OAS2: variants seen among roughly 807,000 people sequenced by gnomAD.
OAS2 encodes 2'-5'-oligoadenylate synthetase 2, also known as 2'-5'-oligoadenylate synthase 2.
OAS2 carries 67 observed loss-of-function variants against 71.3 expected under a neutral mutation model. The observed-to-expected ratio is 0.94, with a 90% CI of 0.77 to 1.15. The LOEUF (loss-of-function observed/expected upper bound fraction) is 1.15, where lower values mean the gene tolerates loss of function less well. OAS2 is among the 50% of genes most tolerant of loss of function. OAS2 has a pLI of 0.00. For synonymous variants in OAS2, 327 were observed against 321.8 expected (o/e 1.02, Z -0.17); for missense variants, 789 against 822.5 (o/e 0.96, Z 0.50).
chr12:112,990,954 G>A (rs186915073), intron 2 of OAS2, among the ~76,000 whole-genome samples: 7 of 152,234 alleles, frequency 4.6e-5, no homozygotes, highest in Non-Finnish European at 7.4e-5. Context: ...TCAGTAGGTT[G>A]GGAAGGCTTA....
intron 6 of OAS2, among the ~76,000 whole-genome samples, chr12:113,003,743 T>C (rs2044308624): frequency 6.6e-6 from 1 of 152,202 alleles, no homozygotes; most frequent in African/African-American, 2.4e-5. Flanking sequence ...TGTTTACTGG[T>C]CACACGACCA....
At chr12:112,996,967 C>T (rs1173911834) in intron 3 of OAS2, among the ~76,000 whole-genome samples, 2 of 152,116 alleles carry the variant, frequency 1.3e-5, no homozygotes, top group African/African-American at 4.8e-5. Context: ...CCTCAGTTTC[C>T]CCTCATCTGA....
chr12:112,981,640 G>A (rs1026029845), intron 1 of OAS2, among the ~76,000 whole-genome samples: 5 of 152,084 alleles, frequency 3.3e-5, no homozygotes, highest in East Asian at 1.9e-4. Flanking sequence ...TTGAAGTCAC[G>A]TAGCATGATG....
At chr12:112,984,879 A>G (rs2158391) in intron 1 of OAS2, among the ~76,000 whole-genome samples, 37,496 of 151,896 alleles carry the variant, frequency 0.25, 4,973 homozygotes, top group Admixed American at 0.32. Flanking sequence ...TTGTCTGGGA[A>G]AGACTTTGTT....
At chr12:113,003,376 C>T (rs1307183632) in intron 6 of OAS2, among the ~76,000 whole-genome samples, 2 of 152,138 alleles carry the variant, frequency 1.3e-5, no homozygotes, top group Non-Finnish European at 2.9e-5. Flanking sequence ...ACATCACTCC[C>T]GTCTCTGCCT....
intron 1 of OAS2, among the ~76,000 whole-genome samples, chr12:112,979,634 G>T (rs1374097663): frequency 6.6e-6 from 1 of 151,952 alleles, no homozygotes. Context: ...TTTCCTCATG[G>T]AAGTAAAACA....
Position 112,995,448 on chromosome 12 carries a change from C to T in OAS2, c.601C>T (p.Leu201Phe). 1 of 1,613,952 alleles carries T rather than the reference C, an allele frequency of 6.2e-7. No individual in the cohort carries two copies. The highest frequency in any genetic ancestry group is 8.5e-7 in the Non-Finnish European group (1 of 1,179,940). ...TCCTGGAAAACTAAAGGATTTGATC[C>T]TCTTGATAAAGCACTGGCATCAACA... ...NRPGKLKDLI[L>F]LIKHWHQQCQ... The change falls in exon 3 of 10, where the codon CTC becomes TTC. Residue 201 changes from leucine to phenylalanine, a missense_variant. Physicochemically the swap from Leu to Phe is conservative, Grantham distance 22 (BLOSUM62 0). Coordinates refer to ENST00000392583, the MANE Select transcript of OAS2 (RefSeq NM_002535.3).
rs776678170 is a variant in OAS2, at chr12:112,987,068, A to C, written c.208A>C (p.Arg70=). Residue 70 remains arginine (R), a synonymous_variant, in exon 2 of 10, where the codon AGA becomes CGA. Transcript: ENST00000392583. Reference sequence around the variant, plus strand: ...CTCCTATGGACGGAAAACAGTCTTAAGAGGCAACTCCGATGGTACCCTTGT... The same window carrying C: ...CTCCTATGGACGGAAAACAGTCTTACGAGGCAACTCCGATGGTACCCTTGT... The part of the protein sequence containing the change: ...GGSYGRKTVL[R]GNSDGTLVLF... 5.0e-5 allele frequency: 80 copies of C among 1,613,786 alleles called. 1 individual carries two copies. The highest frequency in any genetic ancestry group is 6.5e-5 in the Non-Finnish European group (77 of 1,179,794).
At chr12:112,986,191 C>T (rs1048252507) in intron 1 of OAS2, among the ~76,000 whole-genome samples, 2 of 152,154 alleles carry the variant, frequency 1.3e-5, no homozygotes, top group African/African-American at 2.4e-5. Flanking sequence ...ACAGGGACAT[C>T]AGGCAGGTTG....
chr12:112,986,236 G>C (rs1231504536), intron 1 of OAS2, among the ~76,000 whole-genome samples: 1 of 152,228 alleles, frequency 6.6e-6, no homozygotes, highest in African/African-American at 2.4e-5. Context: ...CAGTATGCCA[G>C]GCATGCTGGT....
Position 112,981,101 on chromosome 12 carries a change from GTA to G in OAS2, c.177+2320_177+2321del, listed in dbSNP as rs371960956. ...TGCTGTTGAGTTGTTCACGTTCCTT[GTA>G]TATTCTGGATATTAAACCCTTGTTG... On this transcript the variant is annotated intron_variant, in intron 1 of 9. Coordinates refer to ENST00000392583, the MANE Select transcript of OAS2 (RefSeq NM_002535.3). Among the ~76,000 whole-genome samples the G allele has an allele frequency of 9.9e-5, 15 of 152,174 alleles. 1 individual carries two copies. In the South Asian group the frequency reaches 3.1e-3, roughly 32 times the overall value.
At chr12:112,997,231 G>T (rs2044241247) in intron 3 of OAS2, among the ~76,000 whole-genome samples, 1 of 151,918 alleles carries the variant, frequency 6.6e-6, no homozygotes, top group South Asian at 2.1e-4. Flanking sequence ...GACTTTTCAA[G>T]GCTAGTAAGG....
At position 113,009,270 on chromosome 12, in the gene OAS2, G is replaced by A. The variant is rs1302137253; in HGVS notation, c.*15G>A. The A allele has an allele frequency of 6.2e-7, 1 of 1,612,616 alleles. No individual in the cohort carries two copies. Among genetic ancestry groups the A allele is most frequent in the Admixed American group, 1.7e-5 (1 of 59,826 alleles). ...AAGTCATCTAAAGGAGGCGTTGTCT[G>A]GAAATAGCCCTGTAACAGGCTTGAA... is the stretch of plus-strand genomic sequence containing the variant. On this transcript the variant is annotated 3_prime_UTR_variant, in exon 10 of 10. Transcript: ENST00000392583.
rs769469092 is a variant in OAS2, at chr12:113,010,500, C to A, written c.*1245C>A. 2 of 1,611,148 alleles carry A rather than the reference C, an allele frequency of 1.2e-6. No homozygotes were observed. Among genetic ancestry groups the A allele is most frequent in the Non-Finnish European group, 1.7e-6 (2 of 1,179,402 alleles). On this transcript the variant is annotated 3_prime_UTR_variant, in exon 10 of 10. Coordinates refer to ENST00000392583, the MANE Select transcript of OAS2 (RefSeq NM_002535.3). ...AAACTTCTAGAGATCATCTGGCAAT[C>A]GCTTTTAAAGACTCGGCTCACCGTG...
chr12:112,984,943 G>C (rs1402766683), intron 1 of OAS2, among the ~76,000 whole-genome samples: 1 of 137,608 alleles, frequency 7.3e-6, no homozygotes, highest in Non-Finnish European at 1.6e-5. Context: ...TTGTCTGAAA[G>C]GGTTTTTTTT....
At chr12:112,992,985 A>T (rs1306790722) in intron 2 of OAS2, among the ~76,000 whole-genome samples, 1 of 152,074 alleles carries the variant, frequency 6.6e-6, no homozygotes, top group Non-Finnish European at 1.5e-5. Flanking sequence ...ATGAGAAATA[A>T]ACTCTTCCCC....
chr12:113,001,558 T>C (rs1350023912), intron 5 of OAS2, among the ~76,000 whole-genome samples: 1 of 150,356 alleles, frequency 6.7e-6, no homozygotes, highest in Non-Finnish European at 1.5e-5. Context: ...TTCCTCACCT[T>C]TTCAAGCTCC....
chr12:112,983,910 A>G (rs962991542), intron 1 of OAS2, among the ~76,000 whole-genome samples: 1 of 152,244 alleles, frequency 6.6e-6, no homozygotes, highest in African/African-American at 2.4e-5. Context: ...CCCTGTGCTG[A>G]TAAGAATGTG....
At chr12:112,989,474 T>A (rs1037652843) in intron 2 of OAS2, among the ~76,000 whole-genome samples, 1 of 152,178 alleles carries the variant, frequency 6.6e-6, no homozygotes, top group East Asian at 1.9e-4. Context: ...GCAGGACAAC[T>A]CAAAGTGGGG....
Sources: gnomAD v4.1 joint callset for allele counts (sites outside exome capture counted in the v4.1 genomes callset) on GRCh38, gnomAD v4.1.1 for gene constraint, MANE v1.5 for transcripts, NCBI Gene and HGNC (gene_info 2026-07-23, HGNC 2026-07-21) for gene names.